Variants in RSPO2 observed in about 807,000 individuals in gnomAD.
RSPO2 encodes R-spondin 2, also known as R-spondin-2.
In RSPO2, 14 loss-of-function variants were observed where a neutral mutation model predicts 30.9. That is an observed-to-expected ratio of 0.45 (90% CI 0.30 to 0.71). The LOEUF is 0.71. Among genes scored for constraint, RSPO2 ranks in the 30% least tolerant of loss-of-function variants. RSPO2 has a pLI of 0.08. For missense variants in RSPO2, 264 were observed against 301.9 expected, an observed-to-expected ratio of 0.87 and a Z score of 0.93; for synonymous variants, 107 against 96.4, an observed-to-expected ratio of 1.11 and a Z score of -0.64.
At chr8:107,903,963 T>C (rs187890241) in intron 5 of RSPO2, among the ~76,000 whole-genome samples, 51 of 152,188 alleles carry the variant, frequency 3.4e-4, no homozygotes, top group African/African-American at 1.2e-3. Flanking sequence ...AAAAGAATAC[T>C]AAAATACAAC....
intron 3 of RSPO2, among the ~76,000 whole-genome samples, chr8:107,963,312 T>C (rs1240781205): frequency 6.6e-6 from 1 of 150,856 alleles, no homozygotes; most frequent in Non-Finnish European, 1.5e-5. Flanking sequence ...AGGCAATGCA[T>C]CACTTGAGCT....
At chr8:107,953,437 T>C (rs1419919632) in intron 5 of RSPO2, among the ~76,000 whole-genome samples, 2 of 152,196 alleles carry the variant, frequency 1.3e-5, no homozygotes, top group Admixed American at 6.5e-5. Flanking sequence ...TTGGCCCTTA[T>C]GCAATGACCA....
Position 108,046,903 on chromosome 8 carries a change from G to A in RSPO2, c.94+35642C>T, listed in dbSNP as rs151080640. ...TTTTACCCAGTCAGAAGATATAACT[G>A]AAAAAATAAATATATATAGTAATCA... On this transcript the variant is annotated intron_variant, in intron 2 of 5. Coordinates refer to ENST00000276659, the MANE Select transcript of RSPO2 (RefSeq NM_178565.5). Among the ~76,000 whole-genome samples the A allele has an allele frequency of 8.1e-3, 1,228 of 152,150 alleles. 36 individuals carry two copies. Among genetic ancestry groups the A allele is most frequent in the East Asian group, 0.063 (328 of 5,176 alleles).
chr8:107,923,703 T>C (rs1009875673), intron 5 of RSPO2, among the ~76,000 whole-genome samples: 2 of 151,844 alleles, frequency 1.3e-5, no homozygotes, highest in African/African-American at 2.4e-5. Context: ...ATAAAGAAAA[T>C]GTAGTACATA....
At chr8:107,992,144 T>C (rs987498696) in intron 2 of RSPO2, among the ~76,000 whole-genome samples, 7 of 147,040 alleles carry the variant, frequency 4.8e-5, no homozygotes, top group African/African-American at 1.5e-4. Flanking sequence ...TAGGTACCCA[T>C]CAACAACTGA....
chr8:108,063,102 T>C (rs1280501637), intron 2 of RSPO2, among the ~76,000 whole-genome samples: 1 of 151,800 alleles, frequency 6.6e-6, no homozygotes, highest in Non-Finnish European at 1.5e-5. Flanking sequence ...ACTGGAAGCA[T>C]TCCCTTTGAA....
chr8:108,082,269 A>G (rs1216432284), intron 2 of RSPO2, among the ~76,000 whole-genome samples: 1 of 152,188 alleles, frequency 6.6e-6, no homozygotes, highest in Non-Finnish European at 1.5e-5. Flanking sequence ...GGCGAACATG[A>G]GTGCGGACCG....
intron 2 of RSPO2, among the ~76,000 whole-genome samples, chr8:108,003,293 ATATATATATATATATATATTTTTTT>A (rs1815321864): frequency 2.8e-5 from 2 of 72,052 alleles, no homozygotes; most frequent in South Asian, 8.7e-4. Context: ...ATATATATAT[ATATATATATATATATATATTTTTTT>A]TTTTTTTTTT....
At chr8:108,049,355 CTTT>C (rs948864056) in intron 2 of RSPO2, among the ~76,000 whole-genome samples, 2 of 151,598 alleles carry the variant, frequency 1.3e-5, no homozygotes, top group Admixed American at 1.3e-4. Flanking sequence ...TTGGCTGGGA[CTTT>C]TTTTTCTTTT....
chr8:108,025,952 T>C (rs748176821), intron 2 of RSPO2, among the ~76,000 whole-genome samples: 4 of 152,194 alleles, frequency 2.6e-5, no homozygotes, highest in African/African-American at 9.6e-5. Flanking sequence ...AAATATACAA[T>C]GAGAAACAAG....
At chr8:107,959,530 A>G (rs2130437416) in intron 4 of RSPO2, among the ~76,000 whole-genome samples, 1 of 152,304 alleles carries the variant, frequency 6.6e-6, no homozygotes, top group Admixed American at 6.5e-5. Flanking sequence ...CATCTTCTAG[A>G]CATCAGTGGG....
Position 107,901,063 on chromosome 8 carries a change from G to A in RSPO2, c.*12C>T, listed in dbSNP as rs375748542. 6.2e-6 allele frequency: 10 copies of A among 1,610,054 alleles called. No individual in the cohort carries two copies. Among genetic ancestry groups the A allele is most frequent in the Non-Finnish European group, 8.5e-6 (10 of 1,179,082 alleles). ...AAACAAAAACCCCTAAAAATCTACC[G>A]GATCTCTTGTTTTATTGGTTAGCTC... On this transcript the variant is annotated 3_prime_UTR_variant, in exon 6 of 6. Coordinates refer to ENST00000276659, the MANE Select transcript of RSPO2 (RefSeq NM_178565.5).
intron 5 of RSPO2, among the ~76,000 whole-genome samples, chr8:107,914,224 G>A (rs889846191): frequency 1.3e-5 from 2 of 152,062 alleles, no homozygotes; most frequent in African/African-American, 4.8e-5. Flanking sequence ...GAGCTAAATT[G>A]GTGAGTGCCT....
At chr8:107,975,062 T>C (rs1814162264) in intron 3 of RSPO2, among the ~76,000 whole-genome samples, 1 of 152,254 alleles carries the variant, frequency 6.6e-6, no homozygotes, top group African/African-American at 2.4e-5. Flanking sequence ...TGATTATCAC[T>C]GTCCACACTA....
At chr8:108,011,260 A>G (rs1810703573) in intron 2 of RSPO2, among the ~76,000 whole-genome samples, 1 of 152,008 alleles carries the variant, frequency 6.6e-6, no homozygotes. Flanking sequence ...GAAAGAAAGT[A>G]AAGTGACTTG....
At chr8:107,928,983 C>T (rs573634867) in intron 5 of RSPO2, among the ~76,000 whole-genome samples, 1 of 152,202 alleles carries the variant, frequency 6.6e-6, no homozygotes, top group South Asian at 2.1e-4. Flanking sequence ...TTAAACCAAC[C>T]ATATAAATCA....
At chr8:108,059,870 G>T (rs1478965801) in intron 2 of RSPO2, among the ~76,000 whole-genome samples, 1 of 106,628 alleles carries the variant, frequency 9.4e-6, no homozygotes, top group African/African-American at 3.7e-5. Flanking sequence ...GGGGAGGGGG[G>T]AGGGATAGCT....
At chr8:107,996,578 G>A (rs985663416) in intron 2 of RSPO2, among the ~76,000 whole-genome samples, 1 of 152,190 alleles carries the variant, frequency 6.6e-6, no homozygotes. Context: ...ATGGTTTAAG[G>A]AGGAGGTTCA....
At chr8:107,976,778 T>A (rs1225142263) in intron 3 of RSPO2, among the ~76,000 whole-genome samples, 1 of 152,214 alleles carries the variant, frequency 6.6e-6, no homozygotes, top group African/African-American at 2.4e-5. Flanking sequence ...TGTTCTCCTG[T>A]CTACAAACAC....
Sources: allele counts gnomAD v4.1 joint callset (sites outside exome capture counted in the v4.1 genomes callset), GRCh38; gene constraint gnomAD v4.1.1; transcripts MANE v1.5; gene names NCBI Gene and HGNC (gene_info 2026-07-23, HGNC 2026-07-21).